CSMD3: variants seen among roughly 807,000 people sequenced by gnomAD.
CSMD3 encodes CUB and Sushi multiple domains 3, also known as CUB and sushi domain-containing protein 3.
In CSMD3, 177 loss-of-function variants were observed where a neutral mutation model predicts 435.2. The ratio of observed to expected loss-of-function variants is 0.41; its 90% confidence interval spans 0.36 to 0.46. The LOEUF (loss-of-function observed/expected upper bound fraction) is 0.46, where lower values mean the gene tolerates loss of function less well. CSMD3 is among the 20% of genes least tolerant of loss of function. CSMD3 has a pLI of 0.34. For missense variants in CSMD3, 4,265 were observed against 4,504.6 expected (o/e 0.95, Z 1.52); for synonymous variants, 1,656 against 1,520.5 (o/e 1.09, Z -2.07).
chr8:112,407,555 T>A (rs1398229109), intron 34 of CSMD3, among the ~76,000 whole-genome samples: 3 of 151,980 alleles, frequency 2.0e-5, no homozygotes. Flanking sequence ...CTTTTTGCAG[T>A]CGTAATACCA....
At chr8:113,407,709 C>A (rs1466222313) in intron 1 of CSMD3, among the ~76,000 whole-genome samples, 1 of 152,004 alleles carries the variant, frequency 6.6e-6, no homozygotes, top group Non-Finnish European at 1.5e-5. Flanking sequence ...CAGGTACAAG[C>A]TGGTTCTAAG....
rs1426885324 is a variant in CSMD3, at chr8:113,314,592, T to C, written c.380A>G (p.His127Arg). 1 of 1,601,708 alleles carries C rather than the reference T, an allele frequency of 6.2e-7. No homozygotes were observed. Among genetic ancestry groups the C allele is most frequent in the African/African-American group, 1.3e-5 (1 of 74,754 alleles). The change falls in exon 2 of 71, where the codon CAT becomes CGT. Residue 127 changes from histidine (H) to arginine (R), a missense_variant. This residue lies in a region of CSMD3 where 731 missense variants were observed against 755.4 expected (regional missense o/e 0.97). Transcript: ENST00000297405. ...TAACCTTGTCCTAAAGTTTGTAGGA[T>C]GAGGATGTCCATCATATAATGATAA... ...DYLSLYDGHP[H>R]PTNFRTRLTG...
At chr8:113,121,657 T>C (rs2090989640) in intron 4 of CSMD3, among the ~76,000 whole-genome samples, 1 of 152,100 alleles carries the variant, frequency 6.6e-6, no homozygotes, top group Non-Finnish European at 1.5e-5. Context: ...ATCCTTTCCC[T>C]AAAGGGCTTA....
intron 3 of CSMD3, among the ~76,000 whole-genome samples, chr8:113,192,696 G>A (rs143667675): frequency 1.9e-4 from 28 of 150,870 alleles, no homozygotes; most frequent in African/African-American, 6.6e-4. Flanking sequence ...GCTTTCTTTT[G>A]TTCTTATTTC....
At chr8:113,242,117 A>C (rs2093225501) in intron 3 of CSMD3, among the ~76,000 whole-genome samples, 1 of 151,816 alleles carries the variant, frequency 6.6e-6, no homozygotes, top group Non-Finnish European at 1.5e-5. Flanking sequence ...ATTATTAAAA[A>C]ATTTAATAAG....
intron 1 of CSMD3, among the ~76,000 whole-genome samples, chr8:113,420,293 T>C (rs1313528968): frequency 1.3e-5 from 2 of 152,114 alleles, no homozygotes; most frequent in African/African-American, 4.8e-5. Flanking sequence ...AATTCTCATA[T>C]GCACTTACTA....
intron 23 of CSMD3, among the ~76,000 whole-genome samples, chr8:112,578,346 AG>A (rs1339771293): frequency 6.6e-6 from 1 of 152,016 alleles, no homozygotes; most frequent in African/African-American, 2.4e-5. Context: ...GTTATATAAT[AG>A]AGTTGAACTT....
At chr8:113,031,370 A>G (rs1181977877) in intron 5 of CSMD3, among the ~76,000 whole-genome samples, 1 of 151,754 alleles carries the variant, frequency 6.6e-6, no homozygotes, top group Non-Finnish European at 1.5e-5. Context: ...CAAGGTAATT[A>G]TGTATAAAAC....
chr8:112,336,980 C>T, intron 43 of CSMD3, 151 bp from the exon 44 acceptor site: 1 of 685,030 alleles, frequency 1.5e-6, no homozygotes, highest in Non-Finnish European at 2.6e-6. Context: ...ATGAAGTTGG[C>T]AACAGTGCAC....
intron 4 of CSMD3, among the ~76,000 whole-genome samples, chr8:113,132,905 T>G (rs1222098178): frequency 2.0e-5 from 3 of 152,104 alleles, no homozygotes; most frequent in Non-Finnish European, 2.9e-5. Context: ...TTTTTACTTT[T>G]TTAACCAAGT....
intron 11 of CSMD3, among the ~76,000 whole-genome samples, chr8:112,843,490 G>A (rs2132541391): frequency 6.6e-6 from 1 of 151,808 alleles, no homozygotes; most frequent in South Asian, 2.1e-4. Context: ...ATGTCAAAAG[G>A]GACTTGAACT....
chr8:113,163,931 ATTGTAGATAAT>A (rs1354622146), intron 4 of CSMD3, among the ~76,000 whole-genome samples: 1 of 152,012 alleles, frequency 6.6e-6, no homozygotes, highest in Non-Finnish European at 1.5e-5. Context: ...TATTACTAAT[ATTGTAGATAAT>A]GTAGCTCCTT....
At chr8:112,241,696 AG>A (rs1179084262) in intron 66 of CSMD3, 23 bp downstream of exon 66, 1 of 1,562,146 alleles carries the variant, frequency 6.4e-7, no homozygotes. Flanking sequence ...AATGAACTCT[AG>A]AAAAACAAAT....
chr8:113,164,434 G>GA (rs942525469), intron 4 of CSMD3, among the ~76,000 whole-genome samples: 16 of 142,934 alleles, frequency 1.1e-4, no homozygotes, highest in African/African-American at 1.5e-4. Context: ...AAAAAAAAAA[G>GA]AAAAAAAAAC....
At chr8:112,957,729 A>T (rs560381985) in intron 7 of CSMD3, among the ~76,000 whole-genome samples, 1 of 139,450 alleles carries the variant, frequency 7.2e-6, no homozygotes, top group Non-Finnish European at 1.5e-5. Context: ...AAACGGTGTA[A>T]ACCCACAGCT....
chr8:112,635,466 T>G (rs2074630961), intron 22 of CSMD3, among the ~76,000 whole-genome samples: 1 of 152,046 alleles, frequency 6.6e-6, no homozygotes, highest in African/African-American at 2.4e-5. Context: ...GTACAGGAAT[T>G]TCAAATGTGG....
At chr8:113,231,808 GAAC>G (rs536607997) in intron 3 of CSMD3, among the ~76,000 whole-genome samples, 30 of 151,404 alleles carry the variant, frequency 2.0e-4, no homozygotes, top group Non-Finnish European at 4.0e-4. Flanking sequence ...AGTGATATTA[GAAC>G]AACTGGTATA....
rs572642818 is a variant in CSMD3, at chr8:112,741,343, T to C, written c.1973-51293A>G. 7.2e-5 allele frequency among the ~76,000 whole-genome samples: 11 copies of C among 152,078 alleles called. No homozygotes were observed. In the East Asian group the frequency reaches 2.1e-3, roughly 29 times the overall value. ...AAGACATATTAGTGGCCAATGGGTA[T>C]ATGAAAAGATACTCAGCATCACTAA... On this transcript the variant is annotated intron_variant, in intron 13 of 70. Coordinates refer to ENST00000297405, the MANE Select transcript of CSMD3 (RefSeq NM_198123.2).
chr8:113,260,267 G>C (rs1162246070), intron 3 of CSMD3, among the ~76,000 whole-genome samples: 1 of 152,084 alleles, frequency 6.6e-6, no homozygotes, highest in Non-Finnish European at 1.5e-5. Flanking sequence ...TACCTACCTT[G>C]TTTTCTAATC....
Sources: allele counts gnomAD v4.1 joint callset (sites outside exome capture counted in the v4.1 genomes callset), GRCh38; gene constraint gnomAD v4.1.1; regional missense constraint gnomAD v4.1.1; transcripts MANE v1.5; gene names NCBI Gene and HGNC (gene_info 2026-07-23, HGNC 2026-07-21).